The following TFDP2 variants were observed in gnomAD, a reference collection of about 807,000 sequenced individuals.
TFDP2 encodes the protein transcription factor Dp-2 (E2F dimerization partner 2).
A neutral mutation model predicts 59.3 loss-of-function variants in TFDP2; 17 were observed. The observed-to-expected ratio is 0.29, with a 90% CI of 0.20 to 0.43. The LOEUF (loss-of-function observed/expected upper bound fraction) is 0.43. Ranked by LOEUF, TFDP2 falls within the 20% of genes least tolerant of loss-of-function variation. The probability of loss-of-function intolerance (pLI) is 1.00; values close to 1 mark genes in which losing one functional copy is unlikely to be tolerated. For synonymous variants in TFDP2, 180 were observed against 194.7 expected (o/e 0.92, Z 0.63); for missense variants, 391 against 528.8 (o/e 0.74, Z 2.56).
At chr3:141,993,484 C>T in intron 6 of TFDP2, 54 bp downstream of exon 6, 2 of 1,187,556 alleles carry the variant, frequency 1.7e-6, no homozygotes, top group African/African-American at 1.6e-5. Context: ...GCAATGCCAA[C>T]AGCCTCTCTA....
Position 142,121,697 on chromosome 3 carries a change from T to G in TFDP2, c.-92-19856A>C, listed in dbSNP as rs562863933. On this transcript the variant is annotated intron_variant, in intron 1 of 12. Coordinates refer to ENST00000489671, the MANE Select transcript of TFDP2 (RefSeq NM_001178139.2). This position sits in a 1 kb window ranked among gnomAD's most constrained non-coding sequence, Gnocchi z 4.3. ...CAGTTTAGAAGACTCTTTCAAGGAG[T>G]AGCATATGATTAGGATATGAAGTTT... 5.9e-5 allele frequency among the ~76,000 whole-genome samples: 9 copies of G among 151,954 alleles called. No individual in the cohort carries two copies. The highest frequency in any genetic ancestry group is 1.9e-4 in the African/African-American group (8 of 41,436).
chr3:142,134,888 T>C (rs1436675922), intron 1 of TFDP2, among the ~76,000 whole-genome samples: 1 of 152,118 alleles, frequency 6.6e-6, no homozygotes, highest in Admixed American at 6.5e-5. Flanking sequence ...TTTCCTAGTT[T>C]GATGACAGAG....
rs753702830 is a variant in TFDP2, at chr3:141,974,907, C to CTTTTT, written c.520-721_520-717dup. On this transcript the variant is annotated intron_variant, in intron 7 of 12. Transcript: ENST00000489671. ...TCAGCTGACCATTTTTCTTCTTCTT[C>CTTTTT]TTTTTTTTTTTTTTTTTTTTTTTTG... is the stretch of plus-strand genomic sequence containing the variant. Among the ~76,000 whole-genome samples, 329 of 90,480 alleles carry CTTTTT rather than the reference C, an allele frequency of 3.6e-3. 3 individuals carry two copies. Among genetic ancestry groups the CTTTTT allele is most frequent in the African/African-American group, 8.8e-3 (192 of 21,728 alleles). 59.4% of individuals were successfully genotyped at this position (90,480 alleles called of 152,430 possible).
chr3:142,030,994 G>A (rs1036752954), intron 3 of TFDP2, among the ~76,000 whole-genome samples: 3 of 151,752 alleles, frequency 2.0e-5, no homozygotes, highest in East Asian at 1.9e-4. Flanking sequence ...CGCCCGCCTC[G>A]GCCTCCCAAA....
At chr3:142,124,210 CAA>C (rs1255432293) in intron 1 of TFDP2, among the ~76,000 whole-genome samples, 3 of 152,100 alleles carry the variant, frequency 2.0e-5, no homozygotes, top group African/African-American at 7.2e-5. Flanking sequence ...ATAAAATTAA[CAA>C]TATCTTTTCC....
In TFDP2 at chr3:141,978,520, C is replaced by G. The variant is rs777788887; in HGVS notation, c.519G>C (p.Ser173=). Residue 173 remains serine, a splice_region_variant and synonymous_variant, in exon 7 of 13, where the codon TCG becomes TCC. Coordinates refer to ENST00000489671, the MANE Select transcript of TFDP2 (RefSeq NM_001178139.2). ...TNSNNHLAAD[S]AYDQKNIRRR... is the part of the protein sequence containing the mutation. The stretch of plus-strand genomic sequence containing the variant: ...AATGTCAGGTTCATGATTTACATAC[C>G]GAATCAGCAGCCAAATGGTTATTTG... 1.9e-6 allele frequency: 3 copies of G among 1,604,776 alleles called. No individual in the cohort carries two copies. The highest frequency in any genetic ancestry group is 2.7e-5 in the African/African-American group (2 of 74,366).
At chr3:142,125,670 A>G (rs1334226921) in intron 1 of TFDP2, among the ~76,000 whole-genome samples, 1 of 152,194 alleles carries the variant, frequency 6.6e-6, no homozygotes, top group African/African-American at 2.4e-5. Flanking sequence ...TCCAGTATAA[A>G]CTGTTCTGTG....
chr3:142,062,371 A>G (rs957362563), intron 3 of TFDP2, among the ~76,000 whole-genome samples: 1 of 136,922 alleles, frequency 7.3e-6, no homozygotes, highest in African/African-American at 2.8e-5. Flanking sequence ...AGCTGTATAT[A>G]TACACATATA....
Position 142,019,065 on chromosome 3 carries a change from T to TCC in TFDP2, c.83-13522_83-13521insGG, listed in dbSNP as rs1560042799. ...TTATTCTTCGCACATTTTTTTTTTTTTTTTTTTTGTTTTGGTGAGACGGAG... is the reference window on the plus strand; with the variant it reads ...TTATTCTTCGCACATTTTTTTTTTTTCCTTTTTTTTGTTTTGGTGAGACGGAG... On this transcript the variant is annotated intron_variant, in intron 3 of 12. Transcript: ENST00000489671. Among the ~76,000 whole-genome samples the TCC allele has an allele frequency of 3.5e-3, 531 of 151,568 alleles. 3 individuals are homozygous for TCC. Among genetic ancestry groups the TCC allele is most frequent in the African/African-American group, 0.012 (489 of 41,396 alleles).
At chr3:141,989,889 TAA>T (rs1491519609) in intron 6 of TFDP2, among the ~76,000 whole-genome samples, 10 of 149,904 alleles carry the variant, frequency 6.7e-5, no homozygotes, top group East Asian at 1.9e-4. Flanking sequence ...ATAATAATAA[TAA>T]TAATTATTAT....
intron 3 of TFDP2, among the ~76,000 whole-genome samples, chr3:142,021,710 C>T (rs973933964): frequency 5.9e-5 from 9 of 152,152 alleles, no homozygotes; most frequent in African/African-American, 2.2e-4. Context: ...CTCCATCTTA[C>T]CACATTGCAA....
intron 3 of TFDP2, among the ~76,000 whole-genome samples, chr3:142,017,063 C>A (rs946620771): frequency 6.6e-6 from 1 of 152,168 alleles, no homozygotes; most frequent in African/African-American, 2.4e-5. Flanking sequence ...AGATATCCTA[C>A]GTCTTATTCC....
At chr3:142,094,160 C>T (rs889498693) in intron 2 of TFDP2, among the ~76,000 whole-genome samples, 12 of 152,192 alleles carry the variant, frequency 7.9e-5, no homozygotes, top group South Asian at 6.2e-4. Context: ...CTTGGCAGAA[C>T]GCAAACATCC....
At chr3:142,103,007 G>A (rs563216509) in intron 1 of TFDP2, among the ~76,000 whole-genome samples, 28 of 152,242 alleles carry the variant, frequency 1.8e-4, no homozygotes, top group African/African-American at 5.8e-4. Flanking sequence ...AGGCTGAGGC[G>A]AGTGGATCAC....
Position 142,005,424 on chromosome 3 carries a change from T to G in TFDP2, c.186+17A>C, listed in dbSNP as rs754499197. On this transcript the variant is annotated intron_variant, in intron 4 of 12. Transcript: ENST00000489671. The stretch of plus-strand genomic sequence containing the variant: ...GCTAAACAAAGTTTCAATTCTAAGA[T>G]TTGATAATTTTCTTACCATTTGGGG... The G allele has an allele frequency of 4.5e-6, 7 of 1,538,990 alleles. No homozygotes were observed. Among genetic ancestry groups the G allele is most frequent in the Admixed American group, 1.8e-5 (1 of 56,946 alleles).
intron 3 of TFDP2, among the ~76,000 whole-genome samples, chr3:142,014,401 C>T (rs569769506): frequency 2.0e-5 from 3 of 152,012 alleles, no homozygotes; most frequent in Non-Finnish European, 4.4e-5. Flanking sequence ...CCTCCCACCT[C>T]GCCAAAGCAC....
chr3:141,964,670 A>C (rs190229151), intron 9 of TFDP2, among the ~76,000 whole-genome samples: 2 of 152,118 alleles, frequency 1.3e-5, no homozygotes. Context: ...ACAAAAAAAA[A>C]CTCATGTAAA....
intron 6 of TFDP2, among the ~76,000 whole-genome samples, chr3:141,990,359 C>A (rs1942626422): frequency 6.6e-6 from 1 of 151,982 alleles, no homozygotes; most frequent in Non-Finnish European, 1.5e-5. Context: ...ACTGCAGCCT[C>A]TGCCTCCCGG....
chr3:141,966,568 CTTAT>C (rs1938105528), intron 9 of TFDP2, among the ~76,000 whole-genome samples: 1 of 151,694 alleles, frequency 6.6e-6, no homozygotes, highest in Admixed American at 6.6e-5. Context: ...TTTGAACTGA[CTTAT>C]TTGTTGCCCT....
Sources: allele counts gnomAD v4.1 joint callset (sites outside exome capture counted in the v4.1 genomes callset), GRCh38; gene constraint gnomAD v4.1.1; non-coding constraint Gnocchi (gnomAD v3.1); transcripts MANE v1.5; gene names NCBI Gene and HGNC (gene_info 2026-07-23, HGNC 2026-07-21).